The following CCNYL1 variants were observed in gnomAD, a reference collection of about 807,000 sequenced individuals.
CCNYL1 encodes cyclin-Y-like protein 1.
CCNYL1 carries 16 observed loss-of-function variants against 44.2 expected under a neutral mutation model. The ratio of observed to expected loss-of-function variants is 0.36; its 90% CI spans 0.25 to 0.55. The LOEUF (loss-of-function observed/expected upper bound fraction) is 0.55, where lower values mean the gene tolerates loss of function less well. CCNYL1 is among the 20% of genes least tolerant of loss of function. CCNYL1 has a pLI of 0.85. For synonymous variants in CCNYL1, 159 were observed against 163.2 expected (o/e 0.97, Z 0.20); for missense variants, 348 against 451.8 (o/e 0.77, Z 2.08).
chr2:207,733,079 A>G (rs989639454), intron 3 of CCNYL1, among the ~76,000 whole-genome samples: 1 of 144,960 alleles, frequency 6.9e-6, no homozygotes, highest in Non-Finnish European at 1.5e-5. Context: ...ACCAAAAGGG[A>G]AATGTTTTTT....
At position 207,728,428 on chromosome 2, in the gene CCNYL1, A is replaced by G. The variant is rs185717174; in HGVS notation, c.330+1552A>G. On this transcript the variant is annotated intron_variant, in intron 3 of 9. Transcript: ENST00000295414. ...GTAACTGGGACTACAGGCATGTGCC[A>G]CTATGTCCAGCTAATTTTTGTATTT... Among the ~76,000 whole-genome samples the G allele has an allele frequency of 4.3e-3, 652 of 152,172 alleles. 2 individuals are homozygous for G. The highest frequency in any genetic ancestry group is 0.014 in the African/African-American group (593 of 41,514).
At chr2:207,746,449 T>C (rs1216517639) in intron 7 of CCNYL1, among the ~76,000 whole-genome samples, 1 of 152,094 alleles carries the variant, frequency 6.6e-6, no homozygotes, top group Non-Finnish European at 1.5e-5. Context: ...CTATTATGGG[T>C]GTGGAGGTGA....
intron 6 of CCNYL1, among the ~76,000 whole-genome samples, chr2:207,741,866 T>C (rs1356022359): frequency 6.8e-6 from 1 of 146,508 alleles, no homozygotes; most frequent in African/African-American, 2.5e-5. Flanking sequence ...AAAAAAGTAC[T>C]TAGGCCGGGC....
intron 4 of CCNYL1, 143 bp from the exon 5 acceptor site, chr2:207,737,268 A>G (rs2091772786): frequency 3.1e-6 from 2 of 653,192 alleles, no homozygotes; most frequent in Non-Finnish European, 5.4e-6. Flanking sequence ...AAACAAGGGG[A>G]AAGTACCCAT....
chr2:207,753,470 G>A (rs2091909549), intron 9 of CCNYL1, 118 bp from the exon 10 acceptor site: 2 of 634,268 alleles, frequency 3.2e-6, no homozygotes, highest in South Asian at 4.3e-5. Flanking sequence ...AGCCAAAGTA[G>A]CTGTAACTGT....
chr2:207,733,592 G>A (rs1175769956), intron 3 of CCNYL1, among the ~76,000 whole-genome samples: 1 of 152,206 alleles, frequency 6.6e-6, no homozygotes, highest in Non-Finnish European at 1.5e-5. Flanking sequence ...ACATTTTACT[G>A]TAGTGAAGGA....
At position 207,724,819 on chromosome 2, in the gene CCNYL1, C is replaced by T; in HGVS notation, c.240C>T (p.Asn80=). Residue 80 remains asparagine (N), a synonymous_variant, in exon 2 of 10, where the codon AAC becomes AAT. Coordinates refer to ENST00000295414, the MANE Select transcript of CCNYL1 (RefSeq NM_001330218.2). ...CTATAGATTTAGCTTTGGAGTCAAA[C>T]CCTTCTGACCATCCAAGGGCAAGCA... ...EMPEDLALES[N]PSDHPRASTI... is the part of the protein sequence containing the mutation. 1 of 1,613,510 alleles carries T rather than the reference C, an allele frequency of 6.2e-7. No homozygotes were observed.
chr2:207,727,204 G>C (rs930873277), intron 3 of CCNYL1, among the ~76,000 whole-genome samples: 1 of 151,966 alleles, frequency 6.6e-6, no homozygotes, highest in Non-Finnish European at 1.5e-5. Context: ...TTCATTTTTA[G>C]CACTATATGT....
chr2:207,750,811 AAC>A, intron 8 of CCNYL1, 144 bp from the exon 9 acceptor site: 1 of 653,848 alleles, frequency 1.5e-6, no homozygotes, highest in East Asian at 2.8e-5. Flanking sequence ...ACCTTATGTG[AAC>A]ATTAGTATGT....
At chr2:207,745,615 A>G (rs2091848740) in intron 7 of CCNYL1, among the ~76,000 whole-genome samples, 2 of 152,216 alleles carry the variant, frequency 1.3e-5, no homozygotes, top group Non-Finnish European at 2.9e-5. Flanking sequence ...TGATCTGCCT[A>G]TCTGATAACC....
Position 207,712,659 on chromosome 2 carries a change from T to A in CCNYL1, c.220+543T>A, listed in dbSNP as rs374560945. Among the ~76,000 whole-genome samples the A allele has an allele frequency of 6.0e-4, 91 of 152,282 alleles. No homozygotes were observed. The South Asian group carries it at 0.017, about 28-fold the overall frequency. On this transcript the variant is annotated intron_variant, in intron 1 of 9. Coordinates refer to ENST00000295414, the MANE Select transcript of CCNYL1 (RefSeq NM_001330218.2). ...TCTAGACTCAAAATAGAGGTTGCCA[T>A]AGGAGACACTATATGGTATTCCTAA...
chr2:207,714,074 A>G (rs1336669961), intron 1 of CCNYL1, among the ~76,000 whole-genome samples: 5 of 152,180 alleles, frequency 3.3e-5, no homozygotes, highest in Non-Finnish European at 7.3e-5. Context: ...GAAGAAATAA[A>G]GAGTTAGGTA....
intron 3 of CCNYL1, among the ~76,000 whole-genome samples, chr2:207,730,682 T>C (rs2091719832): frequency 2.0e-5 from 3 of 152,044 alleles, no homozygotes; most frequent in African/African-American, 7.2e-5. Flanking sequence ...TGCTTGAACC[T>C]GGGAGGTGGA....
intron 9 of CCNYL1, among the ~76,000 whole-genome samples, chr2:207,752,437 G>A (rs553732279): frequency 2.0e-4 from 30 of 152,154 alleles, no homozygotes; most frequent in East Asian, 1.7e-3. Flanking sequence ...AGGAGGCTGA[G>A]GCATGAGAAT....
At position 207,755,865 on chromosome 2, in the gene CCNYL1, C is replaced by T. The variant is rs889637133; in HGVS notation, c.*2167C>T. 1 of 152,174 alleles carries T rather than the reference C, an allele frequency of 6.6e-6. No homozygotes were observed. Among genetic ancestry groups the T allele is most frequent in the Non-Finnish European group, 1.5e-5 (1 of 68,014 alleles). 9.4% of individuals were successfully genotyped at this position (152,174 alleles called of 1,614,324 possible). On this transcript the variant is annotated 3_prime_UTR_variant, in exon 10 of 10. Transcript: ENST00000295414. The stretch of plus-strand genomic sequence containing the variant: ...ATCTGTTTCTCCTACTTTCTCAAAT[C>T]TAATCCTAGGAATCTTGCTTATAAA...
rs1268036317 is a variant in CCNYL1 at position 207,729,255 on chromosome 2, CCCCCGCCCCCACCCCACCCCCCCCA to C, written c.330+2384_330+2408del. ...ATTGATCTTTACTTGTCTCCGCCCC[CCCCCGCCCCCACCCCACCCCCCCCA>C]CCCCCCCGCACTCTCCCATTTTCTA... On this transcript the variant is annotated intron_variant, in intron 3 of 9. Transcript: ENST00000295414. 4.7e-3 allele frequency among the ~76,000 whole-genome samples: 487 copies of C among 104,596 alleles called. 41 individuals carry two copies. Among genetic ancestry groups the C allele is most frequent in the African/African-American group, 0.022 (437 of 19,856 alleles). The allele number at this position is 104,596 out of a possible 152,430, so 68.6% of individuals were successfully genotyped here. A position where few individuals can be genotyped will look rare whatever the true frequency, so the allele number is the denominator to read the frequency against.
At chr2:207,736,848 G>A (rs2091768451) in intron 4 of CCNYL1, among the ~76,000 whole-genome samples, 1 of 151,910 alleles carries the variant, frequency 6.6e-6, no homozygotes, top group African/African-American at 2.4e-5. Context: ...AAGAGCAAAT[G>A]GGGATATATG....
intron 9 of CCNYL1, 89 bp from the exon 10 acceptor site, chr2:207,753,499 C>T (rs1041888515): frequency 6.6e-5 from 55 of 833,824 alleles, no homozygotes; most frequent in Admixed American, 2.2e-4. Context: ...TAAAGGAGTC[C>T]ACATGTGTGG....
chr2:207,719,123 T>G (rs1673798907), intron 1 of CCNYL1, among the ~76,000 whole-genome samples: 1 of 152,152 alleles, frequency 6.6e-6, no homozygotes, highest in Non-Finnish European at 1.5e-5. Flanking sequence ...TGAAAGGAAT[T>G]CTTGGTGGTG....
Sources: allele counts gnomAD v4.1 joint callset (sites outside exome capture counted in the v4.1 genomes callset), GRCh38; gene constraint gnomAD v4.1.1; transcripts MANE v1.5; gene names NCBI Gene and HGNC (gene_info 2026-07-23, HGNC 2026-07-21).